HS6ST3: variants seen among roughly 807,000 people sequenced by gnomAD.
HS6ST3 encodes heparan-sulfate 6-O-sulfotransferase 3.
In HS6ST3, 12 loss-of-function variants were observed where a neutral mutation model predicts 36.7. That is an observed-to-expected ratio of 0.33 (90% confidence interval 0.21 to 0.53). HS6ST3 has a LOEUF of 0.53. Ranked by LOEUF, HS6ST3 falls within the 20% of genes least tolerant of loss-of-function variation. The pLI, the probability that HS6ST3 is intolerant of heterozygous loss-of-function variation, is 0.95. For synonymous variants in HS6ST3, 240 were observed against 257.5 expected (o/e 0.93, Z 0.65); for missense variants, 584 against 640.9 (o/e 0.91, Z 0.96).
intron 1 of HS6ST3, among the ~76,000 whole-genome samples, chr13:96,504,198 A>G (rs2056016849): frequency 6.6e-6 from 1 of 152,156 alleles, no homozygotes. Flanking sequence ...CAGAAGATGA[A>G]CTAAGCCATA....
At chr13:96,587,228 C>G (rs943762453) in intron 1 of HS6ST3, among the ~76,000 whole-genome samples, 22 of 151,912 alleles carry the variant, frequency 1.4e-4, no homozygotes, top group Non-Finnish European at 2.5e-4. Flanking sequence ...TATTAAGATG[C>G]CTCCAGCTTT....
chr13:96,514,550 T>C (rs1306855925), intron 1 of HS6ST3, among the ~76,000 whole-genome samples: 3 of 152,126 alleles, frequency 2.0e-5, no homozygotes, highest in Non-Finnish European at 4.4e-5. Context: ...TCTGATAGTA[T>C]TAGTGGCCTT....
At chr13:96,719,974 C>T (rs911326367) in intron 1 of HS6ST3, among the ~76,000 whole-genome samples, 14 of 152,148 alleles carry the variant, frequency 9.2e-5, no homozygotes, top group Non-Finnish European at 1.3e-4. Flanking sequence ...GGTGCTGTCT[C>T]ATTCTCACAG....
chr13:96,697,174 T>C (rs1875152622), intron 1 of HS6ST3, among the ~76,000 whole-genome samples: 4 of 150,316 alleles, frequency 2.7e-5, no homozygotes, highest in African/African-American at 9.8e-5. Flanking sequence ...TGTATAGATG[T>C]GTGTGTGTGT....
intron 1 of HS6ST3, among the ~76,000 whole-genome samples, chr13:96,677,214 TG>T (rs1471933501): frequency 6.6e-6 from 1 of 152,092 alleles, no homozygotes; most frequent in Non-Finnish European, 1.5e-5. Context: ...TTGGGTTGTT[TG>T]GGTTTGTTTG....
At chr13:96,217,447 G>T (rs1465785093) in intron 1 of HS6ST3, among the ~76,000 whole-genome samples, 1 of 152,094 alleles carries the variant, frequency 6.6e-6, no homozygotes, top group Non-Finnish European at 1.5e-5. Flanking sequence ...AATACCCAGG[G>T]TTTGCATTTG....
At chr13:96,644,429 A>G (rs936872998) in intron 1 of HS6ST3, among the ~76,000 whole-genome samples, 8 of 152,034 alleles carry the variant, frequency 5.3e-5, no homozygotes, top group African/African-American at 1.7e-4. Context: ...TGAAATTATG[A>G]TTTAAGGAAA....
intron 1 of HS6ST3, among the ~76,000 whole-genome samples, chr13:96,582,727 A>G (rs906886052): frequency 3.3e-5 from 5 of 152,114 alleles, no homozygotes; most frequent in African/African-American, 1.2e-4. Context: ...TTTATCTTTC[A>G]TTTTTGAACT....
chr13:96,235,260 C>T (rs931134649), intron 1 of HS6ST3, among the ~76,000 whole-genome samples: 9 of 151,922 alleles, frequency 5.9e-5, no homozygotes, highest in African/African-American at 1.5e-4. Flanking sequence ...GATTGCTAGT[C>T]GAAAAAAATT....
At chr13:96,139,825 A>G (rs1229889454) in intron 1 of HS6ST3, among the ~76,000 whole-genome samples, 1 of 152,106 alleles carries the variant, frequency 6.6e-6, no homozygotes, top group Non-Finnish European at 1.5e-5. Context: ...AAAGAGTGGT[A>G]TCTCTGTTCT....
intron 1 of HS6ST3, among the ~76,000 whole-genome samples, chr13:96,366,841 A>C (rs375470460): frequency 1.4e-4 from 21 of 152,280 alleles, no homozygotes; most frequent in African/African-American, 5.1e-4. Flanking sequence ...TCATGGGGGC[A>C]GTTTTCCCCA....
At chr13:96,414,839 T>C (rs949373626) in intron 1 of HS6ST3, among the ~76,000 whole-genome samples, 3 of 152,160 alleles carry the variant, frequency 2.0e-5, no homozygotes, top group Non-Finnish European at 2.9e-5. Flanking sequence ...TGAATAAATA[T>C]GGGCTTTTTT....
At chr13:96,331,088 AT>A (rs973666636) in intron 1 of HS6ST3, among the ~76,000 whole-genome samples, 4 of 151,964 alleles carry the variant, frequency 2.6e-5, no homozygotes, top group African/African-American at 7.3e-5. Flanking sequence ...ATTCTGTTAA[AT>A]TTTTTTCAAA....
intron 1 of HS6ST3, among the ~76,000 whole-genome samples, chr13:96,427,962 A>G (rs1413155551): frequency 2.6e-5 from 4 of 152,188 alleles, no homozygotes; most frequent in Non-Finnish European, 4.4e-5. Flanking sequence ...TGGCAACAAT[A>G]CCATAGAAGT....
At chr13:96,107,336 A>C (rs752552657) in intron 1 of HS6ST3, among the ~76,000 whole-genome samples, 19 of 152,138 alleles carry the variant, frequency 1.2e-4, no homozygotes, top group Non-Finnish European at 2.4e-4. Flanking sequence ...ATGGCTGCCT[A>C]AGATGGGGCA....
chr13:96,536,576 G>A (rs1215217814), intron 1 of HS6ST3, among the ~76,000 whole-genome samples: 1 of 152,178 alleles, frequency 6.6e-6, no homozygotes, highest in Non-Finnish European at 1.5e-5. Context: ...GTTGGAGATT[G>A]TGGCTCTTCT....
Position 96,345,944 on chromosome 13 carries a change from G to A in HS6ST3, c.707+254375G>A, listed in dbSNP as rs184340411. ...GTCCTGGGCTGCAGGTGGCCCATGG[G>A]CCACAGGTTGGACAAGCTTGCATTA... On this transcript the variant is annotated intron_variant, in intron 1 of 1. Transcript: ENST00000376705. 4.6e-5 allele frequency among the ~76,000 whole-genome samples: 7 copies of A among 152,324 alleles called. No individual in the cohort carries two copies. In the East Asian group the frequency reaches 1.4e-3, roughly 29 times the overall value.
At chr13:96,107,883 C>T (rs929544398) in intron 1 of HS6ST3, among the ~76,000 whole-genome samples, 6 of 152,122 alleles carry the variant, frequency 3.9e-5, no homozygotes, top group African/African-American at 9.7e-5. Flanking sequence ...CCATCATCTT[C>T]GTAAGCTGAG....
intron 1 of HS6ST3, among the ~76,000 whole-genome samples, chr13:96,328,798 A>C (rs1448887304): frequency 2.0e-5 from 3 of 152,114 alleles, no homozygotes; most frequent in Non-Finnish European, 4.4e-5. Context: ...TCGGCTATGA[A>C]TCCATCTGGT....
Sources: gnomAD v4.1 joint callset for allele counts (sites outside exome capture counted in the v4.1 genomes callset) on GRCh38, gnomAD v4.1.1 for gene constraint, MANE v1.5 for transcripts, NCBI Gene and HGNC (gene_info 2026-07-23, HGNC 2026-07-21) for gene names.